GRIP2: variants seen among roughly 807,000 people sequenced by gnomAD.
GRIP2 encodes the protein glutamate receptor-interacting protein 2.
In GRIP2, 58 loss-of-function variants were observed where a neutral mutation model predicts 108.3. The observed-to-expected ratio is 0.54, with a 90% CI of 0.43 to 0.67. GRIP2 has a LOEUF of 0.67. Among genes scored for constraint, GRIP2 ranks in the 30% least tolerant of loss-of-function variants. GRIP2 has a pLI of 0.00. For missense variants in GRIP2, 1,278 were observed against 1,430.6 expected (o/e 0.89, Z 1.72); for synonymous variants, 586 against 598.2 (o/e 0.98, Z 0.30).
intron 11 of GRIP2, 100 bp downstream of exon 11, chr3:14,516,964 T>C: frequency 1.7e-6 from 2 of 1,206,372 alleles, no homozygotes; most frequent in Non-Finnish European, 2.2e-6. Context: ...CCTGGAGCTC[T>C]GCCCAAAATA....
At chr3:14,514,066 C>A (rs1023297148) in intron 12 of GRIP2, among the ~76,000 whole-genome samples, 1 of 152,266 alleles carries the variant, frequency 6.6e-6, no homozygotes, top group African/African-American at 2.4e-5. Context: ...ACTCTGCCTT[C>A]AGGCAGACAG....
At chr3:14,542,448 T>A (rs943724937), upstream of GRIP2, among the ~76,000 whole-genome samples, 4 of 150,246 alleles carry the variant, frequency 2.7e-5, no homozygotes, top group Non-Finnish European at 6.0e-5. Flanking sequence ...GTGATGAAGA[T>A]TGGCAATTGG....
the GRIP2 span, among the ~76,000 whole-genome samples, chr3:14,595,298 G>A: frequency 6.6e-6 from 1 of 152,120 alleles, no homozygotes; most frequent in Non-Finnish European, 1.5e-5. Context: ...AAAGCGCTGG[G>A]ATTACAGGTG....
At chr3:14,555,520 G>A (rs1434752530) in intron 1 of GRIP2, among the ~76,000 whole-genome samples, 3 of 152,098 alleles carry the variant, frequency 2.0e-5, no homozygotes, top group Non-Finnish European at 2.9e-5. Flanking sequence ...AGCAGAGGCG[G>A]GGGCAGAGAA....
chr3:14,493,625 G>A lies in GRIP2; in HGVS notation c.*40C>T. ...GCTACGTGTCTGGGAGCCAGGATCT[G>A]CCTGGGTGGCCCCTTAGGAGTTCGG... On this transcript the variant is annotated 3_prime_UTR_variant, in exon 24 of 24. Coordinates refer to ENST00000621039, the MANE Select transcript of GRIP2 (RefSeq NM_001080423.4). 6.6e-7 allele frequency: 1 copy of A among 1,526,022 alleles called. No homozygotes were observed. Among genetic ancestry groups the A allele is most frequent in the Non-Finnish European group, 8.9e-7 (1 of 1,129,716 alleles). 94.5% of individuals were successfully genotyped at this position (1,526,022 alleles called of 1,614,324 possible).
Position 14,509,970 on chromosome 3 carries a change from A to T in GRIP2, c.1934-6T>A. 1 of 1,495,016 alleles carries T rather than the reference A, an allele frequency of 6.7e-7. No homozygotes were observed. The allele number at this position is 1,495,016 out of a possible 1,614,324, so 92.6% of individuals were successfully genotyped here. A position where few individuals can be genotyped will look rare whatever the true frequency, so the allele number is the denominator to read the frequency against. ...ACCTGTGGTCTCCAGCTCATCTGCAAGCACGGGGACCCATGAGGAGGAGGC... is the reference window on the plus strand; with the variant it reads ...ACCTGTGGTCTCCAGCTCATCTGCATGCACGGGGACCCATGAGGAGGAGGC... On this transcript the variant is annotated splice_polypyrimidine_tract_variant and splice_region_variant and intron_variant, in intron 16 of 23. Coordinates refer to ENST00000621039, the MANE Select transcript of GRIP2 (RefSeq NM_001080423.4).
intron 1 of GRIP2, among the ~76,000 whole-genome samples, chr3:14,548,638 G>A (rs148353856): frequency 1.3e-3 from 204 of 152,302 alleles, no homozygotes; most frequent in African/African-American, 4.7e-3. Context: ...AAACGCAAAC[G>A]CCTTAGAGAG....
the GRIP2 span, among the ~76,000 whole-genome samples, chr3:14,566,234 C>G: frequency 6.6e-6 from 1 of 152,236 alleles, no homozygotes; most frequent in Admixed American, 6.5e-5. Flanking sequence ...ATGAGAGCCA[C>G]AGGGCTCTTA....
At chr3:14,503,484 G>T in intron 21 of GRIP2, 82 bp downstream of exon 21, 1 of 929,948 alleles carries the variant, frequency 1.1e-6, no homozygotes, top group Non-Finnish European at 1.7e-6. Context: ...GATGCCATCA[G>T]CATGCCTTCC....
the GRIP2 span, among the ~76,000 whole-genome samples, chr3:14,592,632 G>A: frequency 6.6e-6 from 1 of 152,140 alleles, no homozygotes; most frequent in Non-Finnish European, 1.5e-5. Flanking sequence ...CAGCACCGGC[G>A]GGAGTGTTTG....
chr3:14,522,101 C>A lies in GRIP2; in HGVS notation c.567-314G>T. 3.2e-6 allele frequency: 1 copy of A among 309,894 alleles called. No individual in the cohort carries two copies. Among genetic ancestry groups the A allele is most frequent in the Non-Finnish European group, 5.9e-6 (1 of 169,342 alleles). The allele number at this position is 309,894 out of a possible 1,614,324, so 19.2% of individuals were successfully genotyped here. A position where few individuals can be genotyped will look rare whatever the true frequency, so the allele number is the denominator to read the frequency against. ...AAATGTCTGAGCTGGGGGTGCTCTT[C>A]AAGCGTCACCCCCAACTCCTGCCTC... On this transcript the variant is annotated intron_variant, in intron 6 of 23. Transcript: ENST00000621039. The surrounding 1 kb of genome is among the most constrained non-coding windows in gnomAD (Gnocchi z 4.3).
At chr3:14,526,220 T>C (rs2124931309) in intron 1 of GRIP2, among the ~76,000 whole-genome samples, 3 of 152,344 alleles carry the variant, frequency 2.0e-5, no homozygotes. Context: ...TGAATGTTGT[T>C]ACCATGGATC....
At chr3:14,564,877 A>G in the GRIP2 span, among the ~76,000 whole-genome samples, 1 of 152,206 alleles carries the variant, frequency 6.6e-6, no homozygotes, top group South Asian at 2.1e-4. Context: ...AATCTGAATC[A>G]GGTGCTGGCC....
At position 14,520,518 on chromosome 3, in the gene GRIP2, C is replaced by G; in HGVS notation, c.732G>C (p.Ser244=). The change falls in exon 8 of 24, where the codon TCG becomes TCC. Residue 244 remains serine, a synonymous_variant. Transcript: ENST00000621039. Reference sequence around the variant, plus strand: ...TGACTATTTCCACCATCAAGGGTCCCGAAGCATTAGCCACCGTGTCTGGCA... The same window carrying G: ...TGACTATTTCCACCATCAAGGGTCCGGAAGCATTAGCCACCGTGTCTGGCA... ...VATPDTVANA[S]GPLMVEIVKT... The G allele has an allele frequency of 6.2e-7, 1 of 1,613,850 alleles. No homozygotes were observed. The highest frequency in any genetic ancestry group is 1.3e-5 in the African/African-American group (1 of 74,988).
At chr3:14,543,681 G>C (rs1030615648), upstream of GRIP2, among the ~76,000 whole-genome samples, 2 of 152,328 alleles carry the variant, frequency 1.3e-5, no homozygotes, top group East Asian at 3.9e-4. Context: ...AGGCCACCAG[G>C]GGCTCCTGAG....
intron 12 of GRIP2, 30 bp downstream of exon 12, chr3:14,514,262 G>A (rs1262143810): frequency 6.6e-7 from 1 of 1,521,020 alleles, no homozygotes; most frequent in Non-Finnish European, 8.9e-7. Context: ...GAGAGTGGCA[G>A]GCTCAGTAGG....
chr3:14,540,387 G>C, upstream of GRIP2: 1 of 1,610,360 alleles, frequency 6.2e-7, no homozygotes, highest in Non-Finnish European at 8.5e-7. This position sits in a 1 kb window ranked among gnomAD's most constrained non-coding sequence, Gnocchi z 4.1. Context: ...TCCCCAGGGA[G>C]GGGCTGTGGG....
chr3:14,495,384 TC>T (rs1429079012), intron 22 of GRIP2, among the ~76,000 whole-genome samples: 1 of 151,998 alleles, frequency 6.6e-6, no homozygotes, highest in African/African-American at 2.4e-5. Flanking sequence ...CTCCTCCATA[TC>T]TTTTTTGTTG....
chr3:14,529,917 G>C (rs976924927), intron 1 of GRIP2, among the ~76,000 whole-genome samples: 39 of 152,174 alleles, frequency 2.6e-4, no homozygotes, highest in Admixed American at 1.4e-3. Context: ...TCCCCTGGGT[G>C]CTTGCCAAAG....
Sources: gnomAD v4.1 joint callset for allele counts (sites outside exome capture counted in the v4.1 genomes callset) on GRCh38, gnomAD v4.1.1 for gene constraint, Gnocchi (gnomAD v3.1) non-coding constraint, MANE v1.5 for transcripts, NCBI Gene and HGNC (gene_info 2026-07-23, HGNC 2026-07-21) for gene names.